The following NDFIP2 variants were observed in gnomAD, a reference collection of about 807,000 sequenced individuals.
NDFIP2 encodes Nedd4 family interacting protein 2.
Under a neutral mutation model 36.0 loss-of-function variants are expected in NDFIP2, and 19 were observed. That is an observed-to-expected ratio of 0.53 (90% CI 0.37 to 0.77). NDFIP2 has a LOEUF of 0.77. Among genes scored for constraint, NDFIP2 ranks in the 30% least tolerant of loss-of-function variants. The probability of loss-of-function intolerance (pLI) is 0.00; values close to 1 mark genes in which losing one functional copy is unlikely to be tolerated. For synonymous variants in NDFIP2, 181 were observed against 167.7 expected, an observed-to-expected ratio of 1.08 and a Z score of -0.61; for missense variants, 446 against 435.8, an observed-to-expected ratio of 1.02 and a Z score of -0.21.
chr13:79,488,004 A>C (rs1011932877), intron 1 of NDFIP2, among the ~76,000 whole-genome samples: 1 of 152,210 alleles, frequency 6.6e-6, no homozygotes, highest in African/African-American at 2.4e-5. Context: ...GAAGAAAGTT[A>C]GGATAACTTG....
At chr13:79,509,784 C>G (rs764579666) in intron 1 of NDFIP2, among the ~76,000 whole-genome samples, 3 of 152,066 alleles carry the variant, frequency 2.0e-5, no homozygotes, top group Non-Finnish European at 4.4e-5. Flanking sequence ...GAGAGCTGTT[C>G]TGAGTCCCAA....
rs7981807 is a variant in NDFIP2, at chr13:79,517,288, G to A, written c.322-3522G>A. Among the ~76,000 whole-genome samples the A allele has an allele frequency of 9.9e-3, 1,511 of 152,214 alleles. 24 individuals are homozygous for A. The highest frequency in any genetic ancestry group is 0.035 in the African/African-American group (1,445 of 41,510). On this transcript the variant is annotated intron_variant, in intron 1 of 7. Transcript: ENST00000218652. ...TGTATAAATAGGGCACAGAGCTTAG[G>A]CATCACTGTATACAAGTAGGTCCCC...
intron 6 of NDFIP2, among the ~76,000 whole-genome samples, chr13:79,549,811 G>T (rs543348960): frequency 2.8e-4 from 42 of 151,942 alleles, no homozygotes; most frequent in Admixed American, 6.6e-4. Context: ...AACAGCATCT[G>T]GAAGGGCATG....
At chr13:79,547,969 G>A (rs1345222896) in intron 5 of NDFIP2, among the ~76,000 whole-genome samples, 1 of 152,024 alleles carries the variant, frequency 6.6e-6, no homozygotes, top group African/African-American at 2.4e-5. Context: ...GCTGTAGTGT[G>A]TTTGGGATGG....
intron 5 of NDFIP2, among the ~76,000 whole-genome samples, chr13:79,547,804 TG>T (rs1298624961): frequency 1.3e-5 from 2 of 152,054 alleles, no homozygotes; most frequent in Admixed American, 1.3e-4. Context: ...AAGACTCTAA[TG>T]GGGGTCTTTA....
chr13:79,536,556 A>G (rs1875250985), intron 3 of NDFIP2, among the ~76,000 whole-genome samples: 1 of 152,212 alleles, frequency 6.6e-6, no homozygotes, highest in East Asian at 1.9e-4. Context: ...ATGTAGTTGA[A>G]ATTATTGCCT....
At chr13:79,489,860 A>G (rs1022018722) in intron 1 of NDFIP2, among the ~76,000 whole-genome samples, 4 of 152,198 alleles carry the variant, frequency 2.6e-5, no homozygotes, top group East Asian at 1.9e-4. Context: ...TTATAACTCT[A>G]GTTTATAATT....
intron 1 of NDFIP2, among the ~76,000 whole-genome samples, chr13:79,512,529 T>C (rs946744456): frequency 6.6e-6 from 1 of 151,940 alleles, no homozygotes; most frequent in Non-Finnish European, 1.5e-5. Context: ...CCAGTTTAGG[T>C]TCTAAGGCAA....
At chr13:79,490,559 C>A (rs1303216851) in intron 1 of NDFIP2, among the ~76,000 whole-genome samples, 3 of 152,096 alleles carry the variant, frequency 2.0e-5, no homozygotes, top group African/African-American at 7.2e-5. Context: ...CTCAGATCTG[C>A]CATTGTAGTG....
At chr13:79,513,851 G>T (rs1874169263) in intron 1 of NDFIP2, among the ~76,000 whole-genome samples, 1 of 152,032 alleles carries the variant, frequency 6.6e-6, no homozygotes, top group Non-Finnish European at 1.5e-5. Flanking sequence ...ATCTGAGTAA[G>T]GTAAATAGAA....
intron 1 of NDFIP2, among the ~76,000 whole-genome samples, chr13:79,516,220 T>C (rs968960394): frequency 6.6e-6 from 1 of 152,144 alleles, no homozygotes; most frequent in African/African-American, 2.4e-5. Context: ...TCTAGTGCCA[T>C]GGGTAGCTCC....
intron 1 of NDFIP2, among the ~76,000 whole-genome samples, chr13:79,482,793 A>G (rs1234340197): frequency 6.6e-6 from 1 of 152,228 alleles, no homozygotes; most frequent in Admixed American, 6.5e-5. Context: ...CAAAAGGTCC[A>G]TATTCCGAAT....
chr13:79,523,626 C>G (rs183138526), intron 2 of NDFIP2, among the ~76,000 whole-genome samples: 20 of 152,200 alleles, frequency 1.3e-4, no homozygotes, highest in Admixed American at 1.2e-3. Flanking sequence ...ACAGTTATGG[C>G]AATACTGTAA....
chr13:79,545,733 T>C (rs1875644069), intron 5 of NDFIP2, among the ~76,000 whole-genome samples: 1 of 152,096 alleles, frequency 6.6e-6, no homozygotes, highest in Admixed American at 6.6e-5. Flanking sequence ...TTGCTCAAGG[T>C]CCCACAGTTG....
intron 5 of NDFIP2, among the ~76,000 whole-genome samples, chr13:79,546,248 G>C (rs183542550): frequency 3.2e-4 from 48 of 152,162 alleles, no homozygotes; most frequent in African/African-American, 1.2e-3. Context: ...TCATACTGCC[G>C]CTGTCCATTT....
At chr13:79,543,039 G>A (rs1165794933) in intron 4 of NDFIP2, among the ~76,000 whole-genome samples, 1 of 151,908 alleles carries the variant, frequency 6.6e-6, no homozygotes, top group Non-Finnish European at 1.5e-5. Context: ...ACCACACCCG[G>A]CTAATTTTTA....
chr13:79,537,912 T>G (rs1875304057), intron 3 of NDFIP2, among the ~76,000 whole-genome samples: 1 of 152,168 alleles, frequency 6.6e-6, no homozygotes, highest in African/African-American at 2.4e-5. Flanking sequence ...GAAAAGAGGT[T>G]TAATTGACTT....
At chr13:79,532,745 T>C (rs1280825469) in intron 2 of NDFIP2, among the ~76,000 whole-genome samples, 1 of 152,088 alleles carries the variant, frequency 6.6e-6, no homozygotes. Context: ...TCAAGATGTG[T>C]AAAAAAATTA....
chr13:79,519,982 G>A (rs572222927), intron 1 of NDFIP2, among the ~76,000 whole-genome samples: 1 of 150,802 alleles, frequency 6.6e-6, no homozygotes, highest in South Asian at 2.1e-4. Flanking sequence ...TGTATTTTTA[G>A]TAGAGATAGG....
Sources: allele counts gnomAD v4.1 joint callset (sites outside exome capture counted in the v4.1 genomes callset), GRCh38; gene constraint gnomAD v4.1.1; transcripts MANE v1.5; gene names NCBI Gene and HGNC (gene_info 2026-07-23, HGNC 2026-07-21).